SUN1: variants seen among roughly 807,000 people sequenced by gnomAD.
The protein encoded by SUN1 is SUN domain-containing protein 1.
SUN1 carries 61 observed loss-of-function variants against 103.2 expected under a neutral mutation model. That is an observed-to-expected ratio of 0.59 (90% CI 0.48 to 0.73). The LOEUF is 0.73. Ranked by LOEUF, SUN1 falls within the 30% of genes least tolerant of loss-of-function variation. SUN1 has a pLI of 0.00. For synonymous variants in SUN1, 490 were observed against 425.7 expected, an observed-to-expected ratio of 1.15 and a Z score of -1.86; for missense variants, 1,052 against 1,034.6, an observed-to-expected ratio of 1.02 and a Z score of -0.23.
intron 1 of SUN1, among the ~76,000 whole-genome samples, chr7:836,077 C>T (rs903842797): frequency 5.3e-5 from 8 of 152,344 alleles, no homozygotes; most frequent in South Asian, 2.1e-4. Context: ...CGAAACTAGC[C>T]GGCGCTGCAA....
chr7:849,684 G>A (rs1383377447), intron 5 of SUN1: 1 of 1,432,508 alleles, frequency 7.0e-7, no homozygotes, highest in East Asian at 2.4e-5. Flanking sequence ...TAGCAGTAGA[G>A]AATGAACGGC....
intron 1 of SUN1, among the ~76,000 whole-genome samples, chr7:817,714 A>T (rs982766240): frequency 6.6e-6 from 1 of 152,204 alleles, no homozygotes; most frequent in African/African-American, 2.4e-5. Flanking sequence ...ACTGTGGAGA[A>T]ACACCGTGTG....
upstream of SUN1, among the ~76,000 whole-genome samples, chr7:828,065 G>A (rs1467871527): frequency 1.3e-5 from 2 of 149,484 alleles, no homozygotes; most frequent in African/African-American, 4.9e-5. Context: ...CACCACACCC[G>A]GCTGATTTTT....
At chr7:821,858 A>G (rs542809400) in intron 1 of SUN1, among the ~76,000 whole-genome samples, 2 of 152,328 alleles carry the variant, frequency 1.3e-5, no homozygotes, top group South Asian at 4.1e-4. Context: ...GATTGGAAAC[A>G]GGACTATCTA....
chr7:843,451 G>T lies in SUN1; in HGVS notation c.589G>T (p.Val197Leu), dbSNP rs116520953. 2 of 1,614,176 alleles carry T rather than the reference G, an allele frequency of 1.2e-6. No homozygotes were observed. The highest frequency in any genetic ancestry group is 1.7e-6 in the Non-Finnish European group (2 of 1,180,024). The change falls in exon 5 of 19, where the codon GTG becomes TTG. Residue 197 changes from valine (V) to leucine (L), a missense_variant. Around this residue, in one of 2 missense-constraint regions of SUN1, gnomAD observed 846 missense variants for 774.5 expected, o/e 1.09. Coordinates refer to ENST00000401592, the MANE Select transcript of SUN1 (RefSeq NM_001130965.3). Reference protein sequence around the residue: ...NCSMLSERKDVLTAHPAAPGP... With the variant: ...NCSMLSERKDLLTAHPAAPGP... ...CAGCATGCTGTCCGAGCGCAAGGAC[G>T]TGCTCACGGCGCACCCCGCGGCCCC...
chr7:835,271 C>A (rs540524419), intron 1 of SUN1, among the ~76,000 whole-genome samples: 96 of 152,354 alleles, frequency 6.3e-4, no homozygotes, highest in African/African-American at 2.2e-3. Context: ...TGTCCTGCAC[C>A]AGTGGCCTGG....
intron 6 of SUN1, 79 bp from the exon 7 acceptor site, chr7:851,871 C>T (rs1395560097): frequency 6.9e-7 from 1 of 1,447,238 alleles, no homozygotes; most frequent in Non-Finnish European, 9.6e-7. Context: ...TCTAGCTTGG[C>T]CTTCACAGAA....
chr7:853,654 A>C, intron 10 of SUN1, 36 bp downstream of exon 10: 1 of 1,590,246 alleles, frequency 6.3e-7, no homozygotes, highest in Non-Finnish European at 8.5e-7. Context: ...CCATGGTGAC[A>C]CCAACGCGCT....
intron 16 of SUN1, 143 bp from the exon 17 acceptor site, chr7:869,206 G>T (rs1412717307): frequency 2.0e-6 from 2 of 1,018,818 alleles, no homozygotes; most frequent in Non-Finnish European, 2.9e-6. Context: ...GCCTTTCCCA[G>T]CTTATCTTCG....
intron 9 of SUN1, 50 bp from the exon 10 acceptor site, chr7:853,359 T>G (rs1368390187): frequency 2.1e-5 from 34 of 1,601,952 alleles, no homozygotes; most frequent in Non-Finnish European, 2.8e-5. Flanking sequence ...ACTGACTCTG[T>G]GCTCATGCTT....
At chr7:865,785 T>TG (rs1836006790) in intron 15 of SUN1, among the ~76,000 whole-genome samples, 167 bp from the exon 16 acceptor site, 1 of 152,302 alleles carries the variant, frequency 6.6e-6, no homozygotes, top group Admixed American at 6.5e-5. Flanking sequence ...CCATTGTAAC[T>TG]GGGGGGAGAA....
At chr7:826,770 G>T (rs934017770) in intron 1 of SUN1, among the ~76,000 whole-genome samples, 4 of 152,196 alleles carry the variant, frequency 2.6e-5, no homozygotes, top group Non-Finnish European at 5.9e-5. Flanking sequence ...AGTGACCAAC[G>T]CTGGGGCACA....
chr7:828,003 A>T (rs1403105000), upstream of SUN1, among the ~76,000 whole-genome samples: 1 of 151,790 alleles, frequency 6.6e-6, no homozygotes, highest in Non-Finnish European at 1.5e-5. Flanking sequence ...CTCCTGGTTC[A>T]AGTGATTCTC....
intron 5 of SUN1, chr7:850,647 T>C (rs6954755): frequency 0.46 from 69,303 of 151,918 alleles, 15,979 homozygotes; most frequent in East Asian, 0.64. Context: ...TGTGAGGAGA[T>C]AGCCACCCAC....
intron 1 of SUN1, among the ~76,000 whole-genome samples, chr7:819,585 A>G (rs1784085454): frequency 6.6e-6 from 1 of 152,136 alleles, no homozygotes. Flanking sequence ...ATTTGTGACA[A>G]GACTGCTTTT....
chr7:852,504 A>G (rs1823155688), intron 7 of SUN1, 105 bp from the exon 8 acceptor site: 3 of 1,327,262 alleles, frequency 2.3e-6, no homozygotes, highest in Admixed American at 1.7e-5. Context: ...CTTTTCTAAT[A>G]CTGGGGGGGT....
intron 5 of SUN1, among the ~76,000 whole-genome samples, chr7:844,951 C>T (rs1396313342): frequency 6.6e-6 from 1 of 152,182 alleles, no homozygotes; most frequent in Non-Finnish European, 1.5e-5. Context: ...GCTTAATCGA[C>T]GCGCACAAGG....
chr7:864,925 T>C (rs1835242141), intron 15 of SUN1, among the ~76,000 whole-genome samples: 2 of 150,940 alleles, frequency 1.3e-5, no homozygotes, highest in South Asian at 4.2e-4. Flanking sequence ...CACTGCACTC[T>C]GCCTCATTCT....
chr7:851,883 T>G, intron 6 of SUN1, 67 bp from the exon 7 acceptor site: 1 of 1,527,752 alleles, frequency 6.5e-7, no homozygotes, highest in Non-Finnish European at 9.0e-7. Context: ...TTCACAGAAA[T>G]GGTCCATTTA....
Sources: allele counts gnomAD v4.1 joint callset (sites outside exome capture counted in the v4.1 genomes callset), GRCh38; gene constraint gnomAD v4.1.1; regional missense constraint gnomAD v4.1.1; transcripts MANE v1.5; gene names NCBI Gene and HGNC (gene_info 2026-07-23, HGNC 2026-07-21).